Variants in KLHL1 observed in about 807,000 individuals in gnomAD.
KLHL1 encodes kelch-like protein 1.
A neutral mutation model predicts 77.7 loss-of-function variants in KLHL1; 47 were observed. That is an observed-to-expected ratio of 0.60 (90% CI 0.48 to 0.77). KLHL1 has a LOEUF of 0.77. Among genes scored for constraint, KLHL1 ranks in the 30% least tolerant of loss-of-function variants. The pLI, the probability that KLHL1 is intolerant of heterozygous loss-of-function variation, is 0.00. For synonymous variants in KLHL1, 360 were observed against 325.2 expected (o/e 1.11, Z -1.15); for missense variants, 925 against 910.8 (o/e 1.02, Z -0.20).
chr13:69,959,738 G>A (rs966928891), intron 3 of KLHL1, among the ~76,000 whole-genome samples: 4 of 151,690 alleles, frequency 2.6e-5, no homozygotes, highest in Admixed American at 6.6e-5. Context: ...CTATGCCCCA[G>A]TTTCTGGAGG....
intron 5 of KLHL1, among the ~76,000 whole-genome samples, chr13:69,876,628 G>A (rs1273400920): frequency 6.6e-6 from 1 of 152,034 alleles, no homozygotes; most frequent in Non-Finnish European, 1.5e-5. Flanking sequence ...GAAAATAAAT[G>A]TACATGCACA....
chr13:69,855,827 ATAT>A (rs1879889667), intron 5 of KLHL1, among the ~76,000 whole-genome samples: 1 of 144,938 alleles, frequency 6.9e-6, no homozygotes. Context: ...TATATAGAAA[ATAT>A]TATATATACG....
At chr13:70,008,383 A>T (rs1258958434) in intron 1 of KLHL1, among the ~76,000 whole-genome samples, 1 of 151,960 alleles carries the variant, frequency 6.6e-6, no homozygotes, top group Non-Finnish European at 1.5e-5. Context: ...ATATCTTTTC[A>T]GGTCATATAA....
At position 70,107,415 on chromosome 13, in the gene KLHL1, G is replaced by A. The variant is rs1415436186; in HGVS notation, c.285C>T (p.Thr95=). The A allele has an allele frequency of 1.2e-6, 2 of 1,614,184 alleles. No homozygotes were observed. The highest frequency in any genetic ancestry group is 1.1e-5 in the South Asian group (1 of 91,086). The part of the protein sequence containing the change: ...SSSSFNPLNG[T]LLPVATRLQQ... ...GCAGCCTCGTGGCAACTGGAAGCAG[G>A]GTGCCATTCAGCGGATTGAAGGAAG... The change falls in exon 1 of 11, where the codon ACC becomes ACT. Residue 95 remains threonine, a synonymous_variant. Coordinates refer to ENST00000377844, the MANE Select transcript of KLHL1 (RefSeq NM_020866.3).
At position 70,003,236 on chromosome 13, in the gene KLHL1, C is replaced by T. The variant is rs565329730; in HGVS notation, c.498-27434G>A. The stretch of plus-strand genomic sequence containing the variant: ...GATTGATAATCAAATCATATTCAAG[C>T]TTTTCCTTGAAACATGATGAAAACT... On this transcript the variant is annotated intron_variant, in intron 1 of 10. Transcript: ENST00000377844. Among the ~76,000 whole-genome samples, 6 of 151,734 alleles carry T rather than the reference C, an allele frequency of 4.0e-5. No homozygotes were observed. The East Asian group carries it at 5.8e-4, about 15-fold the overall frequency.
intron 1 of KLHL1, among the ~76,000 whole-genome samples, chr13:70,095,187 TG>T (rs1336740992): frequency 6.6e-6 from 1 of 152,122 alleles, no homozygotes; most frequent in Non-Finnish European, 1.5e-5. Context: ...AAGTGAAATT[TG>T]GGAAAGGCAT....
intron 6 of KLHL1, among the ~76,000 whole-genome samples, chr13:69,837,689 C>CATATATACACAT (rs1566309243): frequency 4.2e-5 from 5 of 118,540 alleles, no homozygotes; most frequent in African/African-American, 1.2e-4. Flanking sequence ...TATATATATA[C>CATATATACACAT]ACATATATAT....
chr13:70,064,332 T>A (rs993065817), intron 1 of KLHL1, among the ~76,000 whole-genome samples: 41 of 152,290 alleles, frequency 2.7e-4, no homozygotes, highest in African/African-American at 9.6e-4. Context: ...ATTTCATAAA[T>A]GTAAGTGTGA....
chr13:70,022,700 G>A (rs1047259593), intron 1 of KLHL1, among the ~76,000 whole-genome samples: 1 of 151,880 alleles, frequency 6.6e-6, no homozygotes, highest in Non-Finnish European at 1.5e-5. Context: ...TACACGGTGA[G>A]GTTGGATGAA....
intron 7 of KLHL1, among the ~76,000 whole-genome samples, chr13:69,747,867 G>C (rs137972730): frequency 0.018 from 2,806 of 151,816 alleles, 34 homozygotes; most frequent in Middle Eastern, 0.031. Flanking sequence ...AGCTTTCATA[G>C]AAATATGAAA....
chr13:69,939,357 A>G (rs1428033789), intron 4 of KLHL1, among the ~76,000 whole-genome samples: 1 of 80,300 alleles, frequency 1.2e-5, no homozygotes, highest in African/African-American at 4.8e-5. Context: ...ATATATATAT[A>G]TATATATATA....
intron 4 of KLHL1, among the ~76,000 whole-genome samples, chr13:69,886,083 T>G (rs894451775): frequency 6.6e-6 from 1 of 152,000 alleles, no homozygotes; most frequent in African/African-American, 2.4e-5. Context: ...AATAATGGAG[T>G]AGAGGTAGTC....
intron 1 of KLHL1, among the ~76,000 whole-genome samples, chr13:70,047,842 T>C (rs769772938): frequency 1.3e-5 from 2 of 152,290 alleles, no homozygotes; most frequent in East Asian, 3.9e-4. Context: ...TGTTAAAAGG[T>C]AGCATGAAGA....
chr13:69,931,794 A>T (rs913045308), intron 4 of KLHL1, among the ~76,000 whole-genome samples: 8 of 151,752 alleles, frequency 5.3e-5, no homozygotes, highest in African/African-American at 1.9e-4. Flanking sequence ...TTAACTTAAA[A>T]ACAGGAACAG....
At chr13:69,875,877 T>A (rs1880744146) in intron 5 of KLHL1, among the ~76,000 whole-genome samples, 1 of 152,058 alleles carries the variant, frequency 6.6e-6, no homozygotes, top group Non-Finnish European at 1.5e-5. Context: ...ACTCCTGCAA[T>A]CTAGCTTTGT....
At chr13:69,788,168 C>T (rs1876660780) in intron 7 of KLHL1, among the ~76,000 whole-genome samples, 1 of 152,212 alleles carries the variant, frequency 6.6e-6, no homozygotes, top group Non-Finnish European at 1.5e-5. Flanking sequence ...TGGGTATATA[C>T]CCAAAGGATT....
At chr13:69,941,869 T>C (rs1226627712) in intron 3 of KLHL1, among the ~76,000 whole-genome samples, 2 of 151,924 alleles carry the variant, frequency 1.3e-5, no homozygotes, top group Non-Finnish European at 2.9e-5. Context: ...CTAGAGATGA[T>C]GAATAAATCC....
chr13:69,841,590 ACAGAT>A (rs1201276380), intron 5 of KLHL1, among the ~76,000 whole-genome samples: 1 of 151,928 alleles, frequency 6.6e-6, no homozygotes, highest in Non-Finnish European at 1.5e-5. Context: ...TCCCATGCTC[ACAGAT>A]CAGAAGAATT....
chr13:69,818,181 G>A (rs1414689613), intron 6 of KLHL1, among the ~76,000 whole-genome samples: 3 of 150,508 alleles, frequency 2.0e-5, no homozygotes, highest in Non-Finnish European at 4.4e-5. Context: ...ACTCACAGGG[G>A]ATGACATAAA....
Sources: allele counts gnomAD v4.1 joint callset (sites outside exome capture counted in the v4.1 genomes callset), GRCh38; gene constraint gnomAD v4.1.1; transcripts MANE v1.5; gene names NCBI Gene and HGNC (gene_info 2026-07-23, HGNC 2026-07-21).